The following HS3ST4 variants were observed in gnomAD, a reference collection of about 807,000 sequenced individuals.
The protein encoded by HS3ST4 is heparan sulfate-glucosamine 3-sulfotransferase 4.
In HS3ST4, 17 loss-of-function variants were observed where a neutral mutation model predicts 29.2. The ratio of observed to expected loss-of-function variants is 0.58; its 90% CI spans 0.40 to 0.87. The LOEUF (loss-of-function observed/expected upper bound fraction) is 0.87. HS3ST4 is among the 40% of genes least tolerant of loss of function. The pLI, the probability that HS3ST4 is intolerant of heterozygous loss-of-function variation, is 0.00. For missense variants in HS3ST4, 627 were observed against 634.5 expected, an observed-to-expected ratio of 0.99 and a Z score of 0.13; for synonymous variants, 314 against 285.7, an observed-to-expected ratio of 1.10 and a Z score of -1.00.
chr16:25,838,475 A>C (rs1228880297), intron 1 of HS3ST4, among the ~76,000 whole-genome samples: 1 of 152,204 alleles, frequency 6.6e-6, no homozygotes, highest in African/African-American at 2.4e-5. Flanking sequence ...GAAAACCAAC[A>C]AATATAGGAT....
chr16:26,042,690 A>G (rs1316427412), intron 1 of HS3ST4, among the ~76,000 whole-genome samples: 2 of 152,212 alleles, frequency 1.3e-5, no homozygotes, highest in African/African-American at 4.8e-5. Flanking sequence ...CTGTTTTGGG[A>G]GATGGAAATA....
intron 1 of HS3ST4, among the ~76,000 whole-genome samples, chr16:25,989,122 G>A (rs7190334): frequency 0.26 from 39,351 of 152,038 alleles, 5,269 homozygotes; most frequent in South Asian, 0.3. Flanking sequence ...ACAGCTCAGC[G>A]TTTGGCTTAT....
At chr16:25,970,993 G>A (rs535392271) in intron 1 of HS3ST4, among the ~76,000 whole-genome samples, 45 of 152,110 alleles carry the variant, frequency 3.0e-4, no homozygotes, top group African/African-American at 1.0e-3. Context: ...TGGGATTACA[G>A]GTGTGTGTCA....
chr16:26,070,824 T>C (rs4787345), intron 1 of HS3ST4, among the ~76,000 whole-genome samples: 12,148 of 152,276 alleles, frequency 0.08, 703 homozygotes, highest in Admixed American at 0.18. Context: ...GTTGTTATGG[T>C]AACCTGGGAC....
At chr16:25,947,947 A>G (rs1355860933) in intron 1 of HS3ST4, among the ~76,000 whole-genome samples, 1 of 152,148 alleles carries the variant, frequency 6.6e-6, no homozygotes, top group Non-Finnish European at 1.5e-5. Flanking sequence ...GCCTACCTCC[A>G]TCGGGAGGAT....
chr16:26,029,010 T>C (rs1005538122), intron 1 of HS3ST4: 2 of 152,260 alleles, frequency 1.3e-5, no homozygotes, highest in Non-Finnish European at 2.9e-5. Context: ...GAATATGGGT[T>C]TTGGTGTCAG....
intron 1 of HS3ST4, among the ~76,000 whole-genome samples, chr16:26,111,473 A>G (rs1899128474): frequency 2.0e-5 from 3 of 151,866 alleles, no homozygotes; most frequent in South Asian, 4.1e-4. Context: ...ATTTAAAAAC[A>G]CAGGCAAAAA....
intron 1 of HS3ST4, among the ~76,000 whole-genome samples, chr16:25,887,217 T>C (rs1180631098): frequency 6.6e-6 from 1 of 152,138 alleles, no homozygotes; most frequent in Non-Finnish European, 1.5e-5. Flanking sequence ...TTTCCGTTCT[T>C]TAGGCAGAAG....
At chr16:25,699,478 T>C (rs1470975612) in intron 1 of HS3ST4, among the ~76,000 whole-genome samples, 1 of 152,264 alleles carries the variant, frequency 6.6e-6, no homozygotes, top group Non-Finnish European at 1.5e-5. Context: ...ATTTGATCTA[T>C]ATCGATAACT....
chr16:25,901,327 C>G (rs1289329361), intron 1 of HS3ST4, among the ~76,000 whole-genome samples: 1 of 152,164 alleles, frequency 6.6e-6, no homozygotes, highest in Non-Finnish European at 1.5e-5. Flanking sequence ...GTGCAATATC[C>G]CACGTCCAGC....
chr16:25,902,235 C>G (rs1006710089), intron 1 of HS3ST4, among the ~76,000 whole-genome samples: 1 of 152,128 alleles, frequency 6.6e-6, no homozygotes, highest in Admixed American at 6.6e-5. Flanking sequence ...AAAGATGAAG[C>G]CCGGCATCAT....
At chr16:25,737,711 T>G (rs1044600818) in intron 1 of HS3ST4, among the ~76,000 whole-genome samples, 11 of 152,172 alleles carry the variant, frequency 7.2e-5, no homozygotes, top group Non-Finnish European at 1.6e-4. Context: ...GTAACACAAC[T>G]GTACTTGTAC....
intron 1 of HS3ST4, among the ~76,000 whole-genome samples, chr16:26,114,928 G>T (rs1047239350): frequency 1.3e-5 from 2 of 152,056 alleles, no homozygotes; most frequent in African/African-American, 4.8e-5. Flanking sequence ...GTACAAAGTC[G>T]CTCACTTTGG....
intron 1 of HS3ST4, among the ~76,000 whole-genome samples, chr16:26,084,687 C>T (rs1413982351): frequency 6.6e-6 from 1 of 152,148 alleles, no homozygotes; most frequent in Non-Finnish European, 1.5e-5. Flanking sequence ...TAGCTCACTG[C>T]AGCCTCAAAC....
intron 1 of HS3ST4, among the ~76,000 whole-genome samples, chr16:25,851,473 G>GC (rs1397475087): frequency 6.6e-6 from 1 of 152,006 alleles, no homozygotes; most frequent in Non-Finnish European, 1.5e-5. Context: ...TCCTGCCATT[G>GC]CCTGATTTTC....
At chr16:25,947,740 C>G (rs1968643345) in intron 1 of HS3ST4, among the ~76,000 whole-genome samples, 1 of 152,110 alleles carries the variant, frequency 6.6e-6, no homozygotes, top group Non-Finnish European at 1.5e-5. Flanking sequence ...ATAATGCAAC[C>G]AATTGCACTT....
chr16:25,712,662 TCAAGATTGTTAAAAAAAAA>T (rs1388347132), intron 1 of HS3ST4, among the ~76,000 whole-genome samples: 2 of 151,302 alleles, frequency 1.3e-5, no homozygotes, highest in African/African-American at 4.9e-5. Context: ...TCCTTTCAAA[TCAAGATTGTTAAAAAAAAA>T]CAAAAACCCA....
intron 1 of HS3ST4, among the ~76,000 whole-genome samples, chr16:25,736,692 C>G (rs1328024434): frequency 1.3e-5 from 2 of 152,180 alleles, no homozygotes; most frequent in Non-Finnish European, 2.9e-5. Flanking sequence ...ATTTCCTATT[C>G]AAAGTCTGAT....
Position 26,136,487 on chromosome 16 carries a change from A to G in HS3ST4, c.*239A>G, listed in dbSNP as rs1240597503. On this transcript the variant is annotated 3_prime_UTR_variant, in exon 2 of 2. Coordinates refer to ENST00000331351, the MANE Select transcript of HS3ST4 (RefSeq NM_006040.3). ...GCATCTGGTTGACCAGATGGCCACCAGAACCCACTGTTCATTCTTATCTTC... is the reference window on the plus strand; with the variant it reads ...GCATCTGGTTGACCAGATGGCCACCGGAACCCACTGTTCATTCTTATCTTC... 1.2e-5 allele frequency: 7 copies of G among 564,572 alleles called. No homozygotes were observed. In the East Asian group the frequency reaches 2.1e-4, roughly 17 times the overall value. The allele number at this position is 564,572 out of a possible 1,614,324, so 35.0% of individuals were successfully genotyped here. A position where few individuals can be genotyped will look rare whatever the true frequency, so the allele number is the denominator to read the frequency against.
Sources: gnomAD v4.1 joint callset for allele counts (sites outside exome capture counted in the v4.1 genomes callset) on GRCh38, gnomAD v4.1.1 for gene constraint, MANE v1.5 for transcripts, NCBI Gene and HGNC (gene_info 2026-07-23, HGNC 2026-07-21) for gene names.